Variants in FHIT observed in about 807,000 individuals in gnomAD.
FHIT encodes fragile histidine triad diadenosine triphosphatase.
In FHIT, 19 loss-of-function variants were observed where a neutral mutation model predicts 17.9. The ratio of observed to expected loss-of-function variants is 1.06; its 90% CI spans 0.74 to 1.56. FHIT has a LOEUF of 1.56. Among genes scored for constraint, FHIT ranks in the 40% most tolerant of loss-of-function variants. The pLI is 0.00. For missense variants in FHIT, 248 were observed against 189.2 expected (o/e 1.31, Z -1.82); for synonymous variants, 81 against 69.7 (o/e 1.16, Z -0.81).
intron 5 of FHIT, among the ~76,000 whole-genome samples, chr3:60,351,878 C>G (rs1030466136): frequency 1.3e-5 from 2 of 152,150 alleles, no homozygotes; most frequent in Non-Finnish European, 2.9e-5. Context: ...CCTGGCTAAC[C>G]CCTGTGCCCT....
At chr3:60,924,118 C>T (rs558515438) in intron 3 of FHIT, among the ~76,000 whole-genome samples, 1 of 152,342 alleles carries the variant, frequency 6.6e-6, no homozygotes, top group South Asian at 2.1e-4. Context: ...CCTCTGTAGA[C>T]TCCACCTCTG....
intron 5 of FHIT, among the ~76,000 whole-genome samples, chr3:60,226,834 T>G (rs968440195): frequency 6.6e-6 from 1 of 152,192 alleles, no homozygotes; most frequent in Non-Finnish European, 1.5e-5. Flanking sequence ...ATATCCCATC[T>G]TGTCTCTATT....
chr3:60,374,266 G>A (rs575552692), intron 5 of FHIT, among the ~76,000 whole-genome samples: 54 of 152,190 alleles, frequency 3.5e-4, no homozygotes, highest in Non-Finnish European at 6.9e-4. Flanking sequence ...CACTGAGAAT[G>A]TGTGCCAGGC....
At chr3:60,192,817 T>C (rs184095289) in intron 5 of FHIT, among the ~76,000 whole-genome samples, 5 of 152,332 alleles carry the variant, frequency 3.3e-5, no homozygotes, top group Non-Finnish European at 7.4e-5. Flanking sequence ...ATGTTTGGTT[T>C]TGACTTTTCG....
intron 7 of FHIT, among the ~76,000 whole-genome samples, chr3:59,987,046 TAA>T (rs374824078): frequency 0.029 from 3,971 of 135,146 alleles, 197 homozygotes; most frequent in African/African-American, 0.1. Flanking sequence ...ATAAAATATA[TAA>T]AAATATAAAA....
chr3:60,373,023 C>T (rs1048842618), intron 5 of FHIT, among the ~76,000 whole-genome samples: 1 of 143,444 alleles, frequency 7.0e-6, no homozygotes, highest in East Asian at 1.9e-4. Flanking sequence ...GGATTAAAAT[C>T]ATATGAAATT....
intron 7 of FHIT, among the ~76,000 whole-genome samples, chr3:59,985,369 A>G (rs1708848081): frequency 6.6e-6 from 1 of 152,160 alleles, no homozygotes; most frequent in Non-Finnish European, 1.5e-5. Context: ...GTTATTTGTA[A>G]AACCTTAGAG....
chr3:60,515,521 T>C (rs1238050334), intron 5 of FHIT, among the ~76,000 whole-genome samples: 3 of 151,306 alleles, frequency 2.0e-5, no homozygotes, highest in East Asian at 3.9e-4. Flanking sequence ...GCTACTGTCA[T>C]AGACCTGGCT....
In FHIT at chr3:60,912,258, T is replaced by C. The variant is rs540352144; in HGVS notation, c.-110-90247A>G. The stretch of plus-strand genomic sequence containing the variant: ...AAGCTCATGTGTGCTAGGTTTTTGA[T>C]TGAGCAGTGGTGGGGGTAAACGTGG... On this transcript the variant is annotated intron_variant, in intron 3 of 9. Coordinates refer to ENST00000492590, the MANE Select transcript of FHIT (RefSeq NM_002012.4). Among the ~76,000 whole-genome samples, 132 of 152,324 alleles carry C rather than the reference T, an allele frequency of 8.7e-4. 1 individual carries two copies. Among genetic ancestry groups the C allele is most frequent in the Non-Finnish European group, 1.0e-3 (70 of 68,036 alleles).
intron 2 of FHIT, among the ~76,000 whole-genome samples, chr3:61,119,816 T>G (rs563149036): frequency 3.3e-5 from 5 of 152,320 alleles, no homozygotes; most frequent in African/African-American, 1.2e-4. Context: ...TTCAGTTCTC[T>G]GGTTTTCAGG....
intron 7 of FHIT, among the ~76,000 whole-genome samples, chr3:59,965,286 T>C (rs1707873792): frequency 1.3e-5 from 2 of 152,110 alleles, no homozygotes; most frequent in South Asian, 2.1e-4. Flanking sequence ...GTATGGGAAA[T>C]ACAGACTCCA....
intron 5 of FHIT, among the ~76,000 whole-genome samples, chr3:60,342,897 T>C (rs1014114894): frequency 6.6e-6 from 1 of 152,138 alleles, no homozygotes; most frequent in African/African-American, 2.4e-5. Context: ...TCCCAAGGAA[T>C]TTGTCATCAC....
chr3:60,785,952 A>G (rs58033755), intron 4 of FHIT, among the ~76,000 whole-genome samples: 15,692 of 143,888 alleles, frequency 0.11, 1,118 homozygotes, highest in African/African-American at 0.22. Flanking sequence ...GTACTTTTCA[A>G]GATTAGTAAC....
chr3:60,248,131 G>A (rs574436117), intron 5 of FHIT, among the ~76,000 whole-genome samples: 12 of 152,152 alleles, frequency 7.9e-5, no homozygotes, highest in South Asian at 2.1e-4. Flanking sequence ...AAGCTGCCTC[G>A]TTATAAAAAA....
intron 2 of FHIT, among the ~76,000 whole-genome samples, chr3:61,175,755 A>G (rs1323178697): frequency 6.6e-6 from 1 of 152,124 alleles, no homozygotes; most frequent in Non-Finnish European, 1.5e-5. Context: ...GCAACAAAGC[A>G]CCATCTTGGA....
intron 5 of FHIT, among the ~76,000 whole-genome samples, chr3:60,195,158 CTT>C (rs2107477422): frequency 6.6e-6 from 1 of 151,966 alleles, no homozygotes; most frequent in South Asian, 2.1e-4. Flanking sequence ...AAGAATGAGA[CTT>C]TGTCTCAAAA....
At chr3:60,256,055 C>T (rs1705975446) in intron 5 of FHIT, among the ~76,000 whole-genome samples, 1 of 152,070 alleles carries the variant, frequency 6.6e-6, no homozygotes, top group African/African-American at 2.4e-5. Context: ...CTAATGTGGC[C>T]CACCTTTATA....
intron 5 of FHIT, among the ~76,000 whole-genome samples, chr3:60,180,602 G>C (rs748935749): frequency 6.6e-6 from 1 of 152,060 alleles, no homozygotes; most frequent in East Asian, 1.9e-4. Flanking sequence ...GTTTGTCTTA[G>C]GCATTCAGAA....
intron 4 of FHIT, among the ~76,000 whole-genome samples, chr3:60,630,390 G>C (rs912535332): frequency 6.6e-6 from 1 of 152,126 alleles, no homozygotes; most frequent in Non-Finnish European, 1.5e-5. Flanking sequence ...CAATGCTCTC[G>C]TTGATCACAA....
Sources: gnomAD v4.1 joint callset for allele counts (sites outside exome capture counted in the v4.1 genomes callset) on GRCh38, gnomAD v4.1.1 for gene constraint, MANE v1.5 for transcripts, NCBI Gene and HGNC (gene_info 2026-07-23, HGNC 2026-07-21) for gene names.